The following PDZRN4 variants were observed in gnomAD, a reference collection of about 807,000 sequenced individuals.
PDZRN4 encodes the protein PDZ domain-containing RING finger protein 4.
In PDZRN4, 70 loss-of-function variants were observed where a neutral mutation model predicts 99.0. The ratio of observed to expected loss-of-function variants is 0.71; its 90% CI spans 0.58 to 0.86. PDZRN4 has a LOEUF of 0.86. Among genes scored for constraint, PDZRN4 ranks in the 40% least tolerant of loss-of-function variants. PDZRN4 has a pLI of 0.00. For synonymous variants in PDZRN4, 551 were observed against 501.6 expected (o/e 1.10, Z -1.32); for missense variants, 1,474 against 1,331.2 (o/e 1.11, Z -1.67).
At chr12:41,386,463 G>A (rs972491789) in intron 3 of PDZRN4, among the ~76,000 whole-genome samples, 1 of 152,102 alleles carries the variant, frequency 6.6e-6, no homozygotes, top group African/African-American at 2.4e-5. Context: ...ACTGCTCAAA[G>A]AAATCAGAGA....
intron 5 of PDZRN4, among the ~76,000 whole-genome samples, chr12:41,550,502 C>T (rs1384313901): frequency 2.0e-5 from 3 of 152,110 alleles, no homozygotes; most frequent in Non-Finnish European, 4.4e-5. Flanking sequence ...TAATTATTAC[C>T]AGTTTTGAAA....
At chr12:41,308,434 G>C (rs1346219752) in intron 3 of PDZRN4, among the ~76,000 whole-genome samples, 3 of 152,062 alleles carry the variant, frequency 2.0e-5, no homozygotes, top group Non-Finnish European at 2.9e-5. Context: ...TTATTCATAT[G>C]TGTAAAAAAT....
At chr12:41,313,324 C>G (rs540022646) in intron 3 of PDZRN4, among the ~76,000 whole-genome samples, 72 of 152,252 alleles carry the variant, frequency 4.7e-4, no homozygotes, top group Non-Finnish European at 9.3e-4. Context: ...CCCAGTTTTC[C>G]TTTTGCCATT....
intron 5 of PDZRN4, among the ~76,000 whole-genome samples, chr12:41,539,873 G>T (rs986747099): frequency 5.9e-5 from 9 of 152,062 alleles, no homozygotes; most frequent in African/African-American, 1.9e-4. Flanking sequence ...GATACATGTA[G>T]ACCCTCCTTT....
At chr12:41,258,068 G>A (rs1951215199) in intron 3 of PDZRN4, among the ~76,000 whole-genome samples, 2 of 152,090 alleles carry the variant, frequency 1.3e-5, no homozygotes, top group East Asian at 1.9e-4. Context: ...GATAGGGGCT[G>A]GATTTAGACA....
chr12:41,315,061 G>A (rs1951629826), intron 3 of PDZRN4, among the ~76,000 whole-genome samples: 1 of 151,962 alleles, frequency 6.6e-6, no homozygotes, highest in African/African-American at 2.4e-5. Context: ...ATTCCTAAAT[G>A]TTCAGGGAAA....
At chr12:41,456,889 T>A (rs1047894247) in intron 3 of PDZRN4, among the ~76,000 whole-genome samples, 3 of 152,194 alleles carry the variant, frequency 2.0e-5, no homozygotes, top group Non-Finnish European at 4.4e-5. Context: ...TTAGAGTTAT[T>A]ACTTCTTGAC....
intron 3 of PDZRN4, among the ~76,000 whole-genome samples, chr12:41,415,760 T>C (rs1238960888): frequency 6.6e-6 from 1 of 151,696 alleles, no homozygotes; most frequent in Non-Finnish European, 1.5e-5. Context: ...AGTTACAGTA[T>C]GTCTTTCAGT....
intron 3 of PDZRN4, among the ~76,000 whole-genome samples, chr12:41,255,626 T>G (rs1390428244): frequency 1.3e-5 from 2 of 152,104 alleles, no homozygotes; most frequent in Admixed American, 1.3e-4. Flanking sequence ...CATTAGTCAG[T>G]TTTTGTGTTG....
At chr12:41,339,137 A>C (rs185692390) in intron 3 of PDZRN4, among the ~76,000 whole-genome samples, 254 of 151,938 alleles carry the variant, frequency 1.7e-3, no homozygotes, top group African/African-American at 5.7e-3. Context: ...AAAAAAAAAA[A>C]CAAAATGGGA....
intron 3 of PDZRN4, among the ~76,000 whole-genome samples, chr12:41,357,342 A>T (rs1323748625): frequency 6.6e-6 from 1 of 152,022 alleles, no homozygotes; most frequent in Non-Finnish European, 1.5e-5. Context: ...GCCAGTTTAT[A>T]CTACTATATA....
At chr12:41,293,475 C>G (rs905951713) in intron 3 of PDZRN4, among the ~76,000 whole-genome samples, 3 of 151,832 alleles carry the variant, frequency 2.0e-5, no homozygotes, top group Non-Finnish European at 4.4e-5. Flanking sequence ...GCCATAAAGC[C>G]AGTGGCCCCA....
At chr12:41,241,221 A>G (rs537170766) in intron 3 of PDZRN4, among the ~76,000 whole-genome samples, 1 of 152,220 alleles carries the variant, frequency 6.6e-6, no homozygotes, top group East Asian at 1.9e-4. Flanking sequence ...ATTTCCTTTG[A>G]GTATTTTGCT....
chr12:41,532,407 A>G (rs1938676363), intron 5 of PDZRN4, among the ~76,000 whole-genome samples: 1 of 152,144 alleles, frequency 6.6e-6, no homozygotes, highest in East Asian at 1.9e-4. Context: ...GTCGTTTGGT[A>G]GTTCATATAC....
chr12:41,267,151 T>A (rs1285319750), intron 3 of PDZRN4, among the ~76,000 whole-genome samples: 1 of 152,208 alleles, frequency 6.6e-6, no homozygotes, highest in Admixed American at 6.5e-5. Flanking sequence ...TTGGCTATCA[T>A]CTTATATGGA....
At chr12:41,425,518 C>G (rs1392850797) in intron 3 of PDZRN4, among the ~76,000 whole-genome samples, 2 of 151,950 alleles carry the variant, frequency 1.3e-5, no homozygotes, top group African/African-American at 4.8e-5. Flanking sequence ...AATTTCCACA[C>G]CAATGCATAA....
intron 3 of PDZRN4, among the ~76,000 whole-genome samples, chr12:41,210,098 T>A (rs923596856): frequency 6.6e-6 from 1 of 152,146 alleles, no homozygotes; most frequent in Admixed American, 6.6e-5. Flanking sequence ...TGATGGCCAG[T>A]GATGATGAGC....
intron 3 of PDZRN4, among the ~76,000 whole-genome samples, chr12:41,196,216 G>C (rs1284429291): frequency 6.6e-6 from 1 of 151,956 alleles, no homozygotes; most frequent in East Asian, 1.9e-4. Flanking sequence ...AACCCTGTAA[G>C]ATAAAAAGTA....
At chr12:41,328,856 G>A (rs1951726035) in intron 3 of PDZRN4, among the ~76,000 whole-genome samples, 1 of 152,108 alleles carries the variant, frequency 6.6e-6, no homozygotes. Flanking sequence ...TGGGAGTGAG[G>A]CTTTTCTGAT....
Sources: gnomAD v4.1 joint callset for allele counts (sites outside exome capture counted in the v4.1 genomes callset) on GRCh38, gnomAD v4.1.1 for gene constraint, MANE v1.5 for transcripts, NCBI Gene and HGNC (gene_info 2026-07-23, HGNC 2026-07-21) for gene names.